Variants in SMG1 observed in about 807,000 individuals in gnomAD.
The protein encoded by SMG1 is serine/threonine-protein kinase SMG1.
A neutral mutation model predicts 419.9 loss-of-function variants in SMG1; 22 were observed. That is an observed-to-expected ratio of 0.05 (90% CI 0.04 to 0.07). The LOEUF (loss-of-function observed/expected upper bound fraction) is 0.07. Among genes scored for constraint, SMG1 ranks in the 10% least tolerant of loss-of-function variants. The pLI, the probability that SMG1 is intolerant of heterozygous loss-of-function variation, is 1.00. For synonymous variants in SMG1, 1,538 were observed against 1,553.5 expected (o/e 0.99, Z 0.23); for missense variants, 3,185 against 4,342.0 (o/e 0.73, Z 7.49).
In SMG1 at chr16:18,816,436, G is replaced by C. The variant is rs750373551; in HGVS notation, c.10168C>G (p.Gln3390Glu). ...TCTATCTGCTGCTCTTTCTCTGTCTGAATTGCCCTCTGAGTAGACATATCC... is the reference window on the plus strand; with the variant it reads ...TCTATCTGCTGCTCTTTCTCTGTCTCAATTGCCCTCTGAGTAGACATATCC... The part of the protein sequence containing the change: ...TQDMSTQRAI[Q>E]TEKEQQIETV... The change falls in exon 58 of 63, where the codon CAG (glutamine) becomes GAG (glutamate). Residue 3390 changes from glutamine (Q) to glutamate (E), a missense_variant. This residue lies in a region of SMG1 where 737 missense variants were observed against 846.6 expected (regional missense o/e 0.87). Transcript: ENST00000446231. 1.2e-6 allele frequency: 2 copies of C among 1,613,942 alleles called. No homozygotes were observed. The highest frequency in any genetic ancestry group is 1.7e-6 in the Non-Finnish European group (2 of 1,179,862).
intron 11 of SMG1, 189 bp downstream of exon 11, chr16:18,879,306 G>A: frequency 3.5e-6 from 2 of 578,936 alleles, no homozygotes; most frequent in Non-Finnish European, 6.2e-6. Context: ...GTACAGATGG[G>A]GTCTCACTAC....
intron 12 of SMG1, 129 bp from the exon 13 acceptor site, chr16:18,876,522 C>T (rs1022179460): frequency 9.1e-6 from 11 of 1,207,932 alleles, no homozygotes; most frequent in Admixed American, 8.0e-5. Context: ...ATTCACTGTC[C>T]GTAGCACTTA....
At chr16:18,879,741 A>G in intron 10 of SMG1, 22 bp from the exon 11 acceptor site, 1 of 1,584,738 alleles carries the variant, frequency 6.3e-7, no homozygotes, top group Non-Finnish European at 8.5e-7. Context: ...GAAAACAAGC[A>G]GCTTTTTAAA....
Position 18,819,638 on chromosome 16 carries a change from A to G in SMG1, c.9758T>C (p.Leu3253Pro). Residue 3253 changes from leucine to proline, a missense_variant, in exon 56 of 63, where the codon CTT becomes CCT. Physicochemically the swap from Leu to Pro is moderately conservative, Grantham distance 98. Around this residue, in one of 27 missense-constraint regions of SMG1, gnomAD observed 737 missense variants for 846.6 expected, o/e 0.87. Coordinates refer to ENST00000446231, the MANE Select transcript of SMG1 (RefSeq NM_015092.5). ...GAGTCGCTGTTCAATACTTGATTCA[A>G]GTGCAGCTAGCTTCTCCTATAAAAG... is the stretch of plus-strand genomic sequence containing the variant. ...IATVQEKLAA[L>P]ESSIEQRLKW... 1.3e-6 allele frequency: 2 copies of G among 1,575,538 alleles called. No homozygotes were observed. Among genetic ancestry groups the G allele is most frequent in the Non-Finnish European group, 1.7e-6 (2 of 1,160,456 alleles).
chr16:18,900,426 G>A (rs2037301753), intron 1 of SMG1, among the ~76,000 whole-genome samples: 1 of 152,100 alleles, frequency 6.6e-6, no homozygotes, highest in African/African-American at 2.4e-5. Context: ...ACCATGTGCT[G>A]GGGATGGTAT....
At chr16:18,865,545 G>GT (rs1428508193) in intron 23 of SMG1, among the ~76,000 whole-genome samples, 1 of 148,392 alleles carries the variant, frequency 6.7e-6, no homozygotes, top group African/African-American at 2.5e-5. Context: ...GGTACATTTA[G>GT]TAAAAAAAAA....
At chr16:18,868,035 G>A (rs566805874) in intron 22 of SMG1, among the ~76,000 whole-genome samples, 155 bp downstream of exon 22, 1 of 152,230 alleles carries the variant, frequency 6.6e-6, no homozygotes, top group East Asian at 1.9e-4. Flanking sequence ...CTGTAACTCT[G>A]GCAGTTGTTG....
At chr16:18,907,178 AG>A (rs1455127627) in intron 1 of SMG1, among the ~76,000 whole-genome samples, 1 of 151,742 alleles carries the variant, frequency 6.6e-6, no homozygotes, top group East Asian at 1.9e-4. Flanking sequence ...GCTACTCAGG[AG>A]GCTGAGGCAG....
At chr16:18,849,188 C>CA in intron 36 of SMG1, 29 bp downstream of exon 36, 1 of 1,424,996 alleles carries the variant, frequency 7.0e-7, no homozygotes, top group Non-Finnish European at 9.4e-7. Flanking sequence ...CATTTATACT[C>CA]AAAGTAGCAA....
chr16:18,855,163 A>G (rs1370948858), intron 29 of SMG1, among the ~76,000 whole-genome samples: 3 of 152,234 alleles, frequency 2.0e-5, no homozygotes, highest in Non-Finnish European at 1.5e-5. Context: ...ATCTTTGGCA[A>G]AAAGCCTGGG....
chr16:18,839,969 A>G, intron 41 of SMG1, 23 bp from the exon 42 acceptor site: 1 of 1,509,272 alleles, frequency 6.6e-7, no homozygotes, highest in African/African-American at 1.5e-5. Flanking sequence ...CAATTTTTTT[A>G]AAAAAGAAAA....
intron 1 of SMG1, among the ~76,000 whole-genome samples, chr16:18,914,355 AAAG>A (rs762868989): frequency 5.9e-5 from 9 of 152,208 alleles, no homozygotes; most frequent in Middle Eastern, 6.8e-3. Flanking sequence ...AATTAATATG[AAAG>A]AAGTAATTCA....
At position 18,847,943 on chromosome 16, in the gene SMG1, G is replaced by C; in HGVS notation, c.5714C>G (p.Pro1905Arg). The change falls in exon 37 of 63, where the codon CCT becomes CGT. Residue 1905 changes from proline (P) to arginine (R), a missense_variant. Transcript: ENST00000446231. ...ATCCTTATTGCTATCCTGAGATGCAGGAGGACTTCCTCCCTCACATTCAGA... is the reference window on the plus strand; with the variant it reads ...ATCCTTATTGCTATCCTGAGATGCACGAGGACTTCCTCCCTCACATTCAGA... ...LVSECEGGSP[P>R]ASQDSNKDEP... 6.2e-7 allele frequency: 1 copy of C among 1,613,956 alleles called. No individual in the cohort carries two copies. Among genetic ancestry groups the C allele is most frequent in the Non-Finnish European group, 8.5e-7 (1 of 1,179,858 alleles).
Position 18,809,279 on chromosome 16 carries a change from A to G in SMG1, c.*290T>C. 5.2e-6 allele frequency: 2 copies of G among 381,076 alleles called. No individual in the cohort carries two copies. Among genetic ancestry groups the G allele is most frequent in the East Asian group, 9.5e-5 (2 of 21,046 alleles). 23.6% of individuals were successfully genotyped at this position (381,076 alleles called of 1,614,324 possible). The stretch of plus-strand genomic sequence containing the variant: ...ATTTCTTTCCGCAGCTAACCTCCCG[A>G]CACGTCTGCTGCTGTTCTGTGGCAG... On this transcript the variant is annotated 3_prime_UTR_variant, in exon 63 of 63. Transcript: ENST00000446231.
chr16:18,853,256 A>T (rs1476120247), intron 31 of SMG1, among the ~76,000 whole-genome samples: 3 of 152,172 alleles, frequency 2.0e-5, no homozygotes, highest in Non-Finnish European at 4.4e-5. Context: ...GTGTTCCACC[A>T]ATCAATAGGA....
chr16:18,860,055 A>G (rs1178400997), intron 26 of SMG1, among the ~76,000 whole-genome samples: 1 of 152,120 alleles, frequency 6.6e-6, no homozygotes, highest in Non-Finnish European at 1.5e-5. Flanking sequence ...CGTCTCTACT[A>G]AAAATACAAA....
intron 60 of SMG1, among the ~76,000 whole-genome samples, chr16:18,814,819 C>T (rs1376347249): frequency 5.3e-5 from 8 of 151,296 alleles, no homozygotes; most frequent in Admixed American, 6.6e-5. Context: ...CTTAGGTGAT[C>T]CACCTGGCTC....
intron 23 of SMG1, among the ~76,000 whole-genome samples, chr16:18,865,326 T>C (rs1328432399): frequency 6.6e-6 from 1 of 152,176 alleles, no homozygotes; most frequent in Admixed American, 6.5e-5. Context: ...TTCTTGTTTC[T>C]CAGTGACTCT....
intron 29 of SMG1, chr16:18,857,502 T>C (rs956142431): frequency 1.8e-4 from 28 of 152,154 alleles, no homozygotes; most frequent in African/African-American, 6.5e-4. Context: ...ACAAATGAAA[T>C]ACACTCAGCA....
Sources: allele counts gnomAD v4.1 joint callset (sites outside exome capture counted in the v4.1 genomes callset), GRCh38; gene constraint gnomAD v4.1.1; regional missense constraint gnomAD v4.1.1; transcripts MANE v1.5; gene names NCBI Gene and HGNC (gene_info 2026-07-23, HGNC 2026-07-21).